SRRT: variants seen among roughly 807,000 people sequenced by gnomAD.
The protein encoded by SRRT is serrate RNA effector molecule homolog.
Under a neutral mutation model 103.2 loss-of-function variants are expected in SRRT, and 32 were observed. That is an observed-to-expected ratio of 0.31 (90% confidence interval 0.23 to 0.42). The LOEUF is 0.42. Ranked by LOEUF, SRRT falls within the 10% of genes least tolerant of loss-of-function variation. SRRT has a pLI of 1.00. For synonymous variants in SRRT, 525 were observed against 449.0 expected (o/e 1.17, Z -2.14); for missense variants, 986 against 1,207.5 (o/e 0.82, Z 2.72).
Position 100,887,906 on chromosome 7 carries a change from C to G in SRRT, c.2326+47C>G. The G allele has an allele frequency of 1.3e-6, 2 of 1,573,006 alleles. No homozygotes were observed. The highest frequency in any genetic ancestry group is 1.7e-6 in the Non-Finnish European group (2 of 1,154,810). ...TCGCATGTGCCCTCTTCCTTGACTA[C>G]CCAGGGACTCCTGTTTCTCTTTAAC... On this transcript the variant is annotated intron_variant, in intron 17 of 19. Transcript: ENST00000611405. This position sits in a 1 kb window ranked among gnomAD's most constrained non-coding sequence, Gnocchi z 4.1.
In SRRT at chr7:100,888,577, C is replaced by T; in HGVS notation, c.*28C>T. The T allele has an allele frequency of 6.2e-7, 1 of 1,613,502 alleles. No individual in the cohort carries two copies. The highest frequency in any genetic ancestry group is 8.5e-7 in the Non-Finnish European group (1 of 1,179,422). On this transcript the variant is annotated 3_prime_UTR_variant, in exon 20 of 20. Coordinates refer to ENST00000611405, the MANE Select transcript of SRRT (RefSeq NM_015908.6). Reference sequence around the variant, plus strand: ...CGTCCCCCGTTCCTCAGTCCTGTATCATCCATACTTGTACTACCTTGTCCT... The same window carrying T: ...CGTCCCCCGTTCCTCAGTCCTGTATTATCCATACTTGTACTACCTTGTCCT...
chr7:100,886,140 C>A, intron 12 of SRRT, 107 bp from the exon 13 acceptor site: 1 of 1,368,650 alleles, frequency 7.3e-7, no homozygotes, highest in South Asian at 1.3e-5. Flanking sequence ...CCAGGGAGCT[C>A]GCAGTCTGAT....
At chr7:100,878,992 C>T (rs1816027736) in intron 2 of SRRT, among the ~76,000 whole-genome samples, 3 of 151,450 alleles carry the variant, frequency 2.0e-5, no homozygotes, top group African/African-American at 7.3e-5. Context: ...GAGTCTCACT[C>T]TGCCCAGGCT....
At chr7:100,880,700 A>G in intron 2 of SRRT, 4 of 431,766 alleles carry the variant, frequency 9.3e-6, no homozygotes, top group South Asian at 6.5e-5. Context: ...TTTTAGAGAC[A>G]GGGTCTCCCT....
rs1790098556 is a variant in SRRT at position 100,886,344 on chromosome 7, A to G, written c.1556A>G (p.Asn519Ser). ...GITQHKQIVR[N>S]DIKLAAKLIH... The stretch of plus-strand genomic sequence containing the variant: ...ACCCAGCACAAGCAGATTGTGCGCA[A>G]CGACATCAAGCTGGCGGCCAAGCTG... Residue 519 changes from asparagine to serine, a missense_variant, in exon 13 of 20, where the codon AAC becomes AGC. Around this residue, in one of 6 missense-constraint regions of SRRT, gnomAD observed 349 missense variants for 446.9 expected, o/e 0.78. Coordinates refer to ENST00000611405, the MANE Select transcript of SRRT (RefSeq NM_015908.6). 1.2e-6 allele frequency: 2 copies of G among 1,613,808 alleles called. No individual in the cohort carries two copies. The highest frequency in any genetic ancestry group is 2.2e-5 in the East Asian group (1 of 44,882).
intron 2 of SRRT, among the ~76,000 whole-genome samples, chr7:100,879,833 G>A (rs1374938999): frequency 1.3e-5 from 2 of 150,940 alleles, no homozygotes; most frequent in Admixed American, 6.6e-5. Context: ...AAAAGAAGAA[G>A]AAGAAGATGA....
rs1789717187 is a variant in SRRT, at chr7:100,882,886, A to G, written c.587+645A>G. 6.5e-6 allele frequency: 1 copy of G among 152,860 alleles called. No homozygotes were observed. Among genetic ancestry groups the G allele is most frequent in the Non-Finnish European group, 1.5e-5 (1 of 68,482 alleles). 9.5% of individuals were successfully genotyped at this position (152,860 alleles called of 1,614,324 possible). On this transcript the variant is annotated intron_variant, in intron 5 of 19. Transcript: ENST00000611405. The surrounding 1 kb of genome is among the most constrained non-coding windows in gnomAD (Gnocchi z 4.2). ...GAGCTGCGCGGCCCCGGCCAGGCAG[A>G]CAGGCCAGGGCACTGCTGTGCACAA... is the stretch of plus-strand genomic sequence containing the variant.
chr7:100,878,285 C>T (rs1166612992), intron 2 of SRRT, among the ~76,000 whole-genome samples: 2 of 151,376 alleles, frequency 1.3e-5, no homozygotes, highest in Non-Finnish European at 2.9e-5. Flanking sequence ...GCATTCCAAC[C>T]TGGGCAACAG....
rs1398909945 is a variant in SRRT, at chr7:100,882,716, C to CCTGCTCCTCCTCCTCCTCATCCTCTTT, written c.587+490_587+516dup. 6.5e-6 allele frequency: 1 copy of CCTGCTCCTCCTCCTCCTCATCCTCTTT among 154,152 alleles called. No individual in the cohort carries two copies. The highest frequency in any genetic ancestry group is 1.4e-5 in the Non-Finnish European group (1 of 69,168). The allele number at this position is 154,152 out of a possible 1,614,324, so 9.5% of individuals were successfully genotyped here. A position where few individuals can be genotyped will look rare whatever the true frequency, so the allele number is the denominator to read the frequency against. On this transcript the variant is annotated intron_variant, in intron 5 of 19. Coordinates refer to ENST00000611405, the MANE Select transcript of SRRT (RefSeq NM_015908.6). The surrounding 1 kb of genome is among the most constrained non-coding windows in gnomAD (Gnocchi z 4.2). ...TTAATCAACCATCTTTTCCCCCCTT[C>CCTGCTCCTCCTCCTCCTCATCCTCTTT]CTGCTCCTCCTCCTCCTCATCCTCT... is the stretch of plus-strand genomic sequence containing the variant.
At position 100,886,108 on chromosome 7, in the gene SRRT, GGAAC is replaced by G; in HGVS notation, c.1459-138_1459-135del. On this transcript the variant is annotated intron_variant, in intron 12 of 19. Coordinates refer to ENST00000611405, the MANE Select transcript of SRRT (RefSeq NM_015908.6). ...AAGGCTCTAGGGCGTTAGCATGGAC[GGAAC>G]CTATGTGGTCCCCGTCCCCAGGGAG... 28 of 1,250,984 alleles carry G rather than the reference GGAAC, an allele frequency of 2.2e-5. No individual in the cohort carries two copies. In the South Asian group the frequency reaches 3.8e-4, roughly 17 times the overall value. The allele number at this position is 1,250,984 out of a possible 1,614,324, so 77.5% of individuals were successfully genotyped here. A position where few individuals can be genotyped will look rare whatever the true frequency, so the allele number is the denominator to read the frequency against.
intron 2 of SRRT, 137 bp from the exon 3 acceptor site, chr7:100,881,148 G>C (rs553265699): frequency 2.5e-6 from 2 of 791,096 alleles, no homozygotes; most frequent in East Asian, 2.7e-5. Context: ...GGGGCGGGGG[G>C]GGGTCTCACT....
Position 100,888,500 on chromosome 7 carries a change from T to C in SRRT, c.2582T>C (p.Ile861Thr). 6.2e-7 allele frequency: 1 copy of C among 1,614,164 alleles called. No homozygotes were observed. The change falls in exon 20 of 20, where the codon ATT becomes ACT. Residue 861 changes from isoleucine to threonine, a missense_variant. Coordinates refer to ENST00000611405, the MANE Select transcript of SRRT (RefSeq NM_015908.6). ...NRMVRGDPRA[I>T]VEYRDLDAPD... Reference sequence around the variant, plus strand: ...ATGGTTCGTGGAGACCCAAGGGCCATTGTGGAATATCGGGACCTGGATGCC... The same window carrying C: ...ATGGTTCGTGGAGACCCAAGGGCCACTGTGGAATATCGGGACCTGGATGCC...
intron 7 of SRRT, 74 bp downstream of exon 7, chr7:100,884,626 T>C: frequency 7.5e-7 from 1 of 1,330,810 alleles, no homozygotes; most frequent in Non-Finnish European, 1.0e-6. Context: ...CCATAGGAGC[T>C]AGAAGTAGGG....
In SRRT at chr7:100,875,602, T is replaced by C. The variant is rs750605427; in HGVS notation, c.12T>C (p.Ser4=). The C allele has an allele frequency of 1.2e-5, 19 of 1,613,854 alleles. No individual in the cohort carries two copies. Among genetic ancestry groups the C allele is most frequent in the Non-Finnish European group, 1.6e-5 (19 of 1,179,928 alleles). ...CCTCAGACCGTGCCATGGGTGACAG[T>C]GATGACGAGTACGATCGAAGGCGCA... MGD[S]DDEYDRRRRD... is the part of the protein sequence containing the mutation. Residue 4 remains serine, a synonymous_variant, in exon 2 of 20, where the codon AGT becomes AGC. Coordinates refer to ENST00000611405, the MANE Select transcript of SRRT (RefSeq NM_015908.6).
intron 5 of SRRT, among the ~76,000 whole-genome samples, chr7:100,883,524 C>T (rs537501151): frequency 1.3e-5 from 2 of 152,334 alleles, no homozygotes; most frequent in Non-Finnish European, 2.9e-5. Context: ...TTCGGTCTTT[C>T]CTGTCCCTTC....
intron 6 of SRRT, 41 bp downstream of exon 6, chr7:100,884,280 G>C: frequency 6.2e-7 from 1 of 1,613,000 alleles, no homozygotes. Context: ...TGGGCCCCAT[G>C]GGGGTGGGGG....
Position 100,886,954 on chromosome 7 carries a change from GAGA to G in SRRT, c.1810_1812del (p.Lys604del). On this transcript the variant is annotated inframe_deletion, in exon 14 of 20. Coordinates refer to ENST00000611405, the MANE Select transcript of SRRT (RefSeq NM_015908.6). ...GGCAGAGATCAACGTGGAGCGGGAT[GAGA>G]AGTTGATTAAGGTGCCAGTGGCAGC... 6.2e-7 allele frequency: 1 copy of G among 1,611,300 alleles called. No homozygotes were observed. The highest frequency in any genetic ancestry group is 1.1e-5 in the South Asian group (1 of 90,988).
chr7:100,883,763 C>T (rs565366955), intron 5 of SRRT, among the ~76,000 whole-genome samples: 2 of 152,312 alleles, frequency 1.3e-5, no homozygotes, highest in Admixed American at 1.3e-4. Flanking sequence ...GTTAGTGTTT[C>T]CCAGAGATTT....
intron 2 of SRRT, among the ~76,000 whole-genome samples, chr7:100,877,412 T>C (rs1815841512): frequency 1.2e-5 from 1 of 81,348 alleles, no homozygotes; most frequent in Non-Finnish European, 2.2e-5. Context: ...AGAGCAAGAC[T>C]CTGTCTCAAA....
Sources: gnomAD v4.1 joint callset for allele counts (sites outside exome capture counted in the v4.1 genomes callset) on GRCh38, gnomAD v4.1.1 for gene constraint, gnomAD v4.1.1 regional missense constraint, Gnocchi (gnomAD v3.1) non-coding constraint, MANE v1.5 for transcripts, NCBI Gene and HGNC (gene_info 2026-07-23, HGNC 2026-07-21) for gene names.